Variants in DRD2 observed in about 807,000 individuals in gnomAD.
The protein encoded by DRD2 is D(2) dopamine receptor.
In DRD2, 8 loss-of-function variants were observed where a neutral mutation model predicts 38.0. The observed-to-expected ratio is 0.21, with a 90% CI of 0.12 to 0.38. DRD2 has a LOEUF of 0.38. DRD2 is among the 10% of genes least tolerant of loss of function. DRD2 has a pLI of 1.00. For synonymous variants in DRD2, 230 were observed against 238.6 expected (o/e 0.96, Z 0.33); for missense variants, 403 against 607.7 (o/e 0.66, Z 3.54).
chr11:113,444,683 T>A (rs1201815222), intron 1 of DRD2, among the ~76,000 whole-genome samples: 1 of 152,214 alleles, frequency 6.6e-6, no homozygotes, highest in African/African-American at 2.4e-5. Flanking sequence ...TGCTCCTTTA[T>A]TCACCACACA....
At chr11:113,471,303 C>T (rs1370359668) in intron 1 of DRD2, among the ~76,000 whole-genome samples, 1 of 152,120 alleles carries the variant, frequency 6.6e-6, no homozygotes, top group East Asian at 1.9e-4. Context: ...TATTAGATTC[C>T]AACACCATTA....
At chr11:113,434,776 A>T (rs2138196627) in intron 1 of DRD2, among the ~76,000 whole-genome samples, 1 of 151,058 alleles carries the variant, frequency 6.6e-6, no homozygotes, top group East Asian at 1.9e-4. Flanking sequence ...CAAGGGAGCC[A>T]TCCCCCCCCA....
intron 1 of DRD2, among the ~76,000 whole-genome samples, chr11:113,428,604 G>A (rs1166321940): frequency 6.6e-6 from 1 of 152,132 alleles, no homozygotes; most frequent in East Asian, 1.9e-4. Context: ...CTTCCTGGAG[G>A]AGGGAGGATG....
chr11:113,451,478 C>T (rs1361598676), intron 1 of DRD2, among the ~76,000 whole-genome samples: 1 of 152,076 alleles, frequency 6.6e-6, no homozygotes, highest in South Asian at 2.1e-4. Flanking sequence ...TTTCCTGTAT[C>T]CTCTTTTATT....
At chr11:113,413,732 A>G (rs1950793809) in intron 6 of DRD2, 1 of 216,398 alleles carries the variant, frequency 4.6e-6, no homozygotes, top group Non-Finnish European at 9.5e-6. Context: ...ATCCCTCTGG[A>G]GGATGGAATG....
At chr11:113,470,749 A>G (rs1197864893) in intron 1 of DRD2, among the ~76,000 whole-genome samples, 1 of 151,830 alleles carries the variant, frequency 6.6e-6, no homozygotes, top group African/African-American at 2.4e-5. Flanking sequence ...ACTGTCCCAT[A>G]CTCTCCCAAA....
chr11:113,415,720 A>T, intron 4 of DRD2, 109 bp from the exon 5 acceptor site: 1 of 1,234,202 alleles, frequency 8.1e-7, no homozygotes. Flanking sequence ...TTTACAGAGA[A>T]TATGAACGCA....
At chr11:113,438,994 T>C (rs1951062898) in intron 1 of DRD2, among the ~76,000 whole-genome samples, 1 of 152,224 alleles carries the variant, frequency 6.6e-6, no homozygotes, top group Non-Finnish European at 1.5e-5. Flanking sequence ...TCAGACCTAA[T>C]TTCAGAGAGT....
chr11:113,442,020 T>C (rs1951098597), intron 1 of DRD2, among the ~76,000 whole-genome samples: 1 of 151,526 alleles, frequency 6.6e-6, no homozygotes, highest in Non-Finnish European at 1.5e-5. Flanking sequence ...TTTTTCAGAG[T>C]CCTTATCCTT....
intron 1 of DRD2, among the ~76,000 whole-genome samples, chr11:113,429,500 C>T (rs1156392051): frequency 2.0e-5 from 3 of 152,136 alleles, no homozygotes; most frequent in Non-Finnish European, 4.4e-5. Flanking sequence ...CTGCCTCGGC[C>T]TCCCAGAGTG....
At chr11:113,467,992 G>A (rs1013981474) in intron 1 of DRD2, among the ~76,000 whole-genome samples, 2 of 152,232 alleles carry the variant, frequency 1.3e-5, no homozygotes, top group African/African-American at 4.8e-5. Context: ...CTGAATTACT[G>A]CAAAAGGACA....
At chr11:113,459,904 T>C (rs1331722341) in intron 1 of DRD2, among the ~76,000 whole-genome samples, 1 of 152,218 alleles carries the variant, frequency 6.6e-6, no homozygotes, top group African/African-American at 2.4e-5. Context: ...CTCCAAAATA[T>C]GTACAACTAT....
intron 1 of DRD2, among the ~76,000 whole-genome samples, chr11:113,469,141 C>A (rs1951397950): frequency 6.6e-6 from 1 of 152,052 alleles, no homozygotes; most frequent in South Asian, 2.1e-4. Flanking sequence ...CCTCCCAGCT[C>A]CTCCCCCAGG....
chr11:113,421,160 G>A (rs1950880676), intron 2 of DRD2, among the ~76,000 whole-genome samples: 1 of 152,160 alleles, frequency 6.6e-6, no homozygotes, highest in Admixed American at 6.5e-5. Flanking sequence ...GAATGCAAGT[G>A]TCTCCCTCCC....
rs536377918 is a variant in DRD2 at position 113,418,218 on chromosome 11, A to C, written c.286-82T>G. The C allele has an allele frequency of 6.9e-6, 8 of 1,159,578 alleles. No individual in the cohort carries two copies. The South Asian group carries it at 7.6e-5, about 11-fold the overall frequency. The allele number at this position is 1,159,578 out of a possible 1,614,324, so 71.8% of individuals were successfully genotyped here. On this transcript the variant is annotated intron_variant, in intron 2 of 7. Transcript: ENST00000362072. ...CTGTAGCCTGGTACTCCTGGAGCCG[A>C]TGAGGCCACAGACTCAGGAGGCAGC... is the stretch of plus-strand genomic sequence containing the variant.
intron 3 of DRD2, among the ~76,000 whole-genome samples, chr11:113,417,756 C>G (rs184652952): frequency 5.3e-4 from 80 of 152,350 alleles, no homozygotes; most frequent in Admixed American, 1.3e-3. Context: ...GGGCTTCCGT[C>G]AGAATCACAA....
intron 1 of DRD2, among the ~76,000 whole-genome samples, chr11:113,434,777 T>TCCC (rs375918396): frequency 6.6e-6 from 1 of 150,946 alleles, no homozygotes; most frequent in African/African-American, 2.4e-5. Flanking sequence ...AAGGGAGCCA[T>TCCC]CCCCCCCCAT....
At chr11:113,458,732 T>C (rs893802958) in intron 1 of DRD2, among the ~76,000 whole-genome samples, 4 of 152,262 alleles carry the variant, frequency 2.6e-5, no homozygotes, top group Admixed American at 2.6e-4. Context: ...CTGTGGACTA[T>C]ACTTCTATAT....
At position 113,410,752 on chromosome 11, in the gene DRD2, G is replaced by A; in HGVS notation, c.1307C>T (p.Ala436Val). Residue 436 changes from alanine (A) to valine (V), a missense_variant, in exon 8 of 8, where the codon GCC becomes GTC. Ala to Val is a moderately conservative substitution (Grantham distance 64). Coordinates refer to ENST00000362072, the MANE Select transcript of DRD2 (RefSeq NM_000795.4). Reference protein sequence around the residue: ...YTTFNIEFRKAFLKILHC With the variant: ...YTTFNIEFRKVFLKILHC ...TCAGCAGTGGAGGATCTTCAGGAAG[G>A]CCTTGCGGAACTCAATGTTGAAGGT... is the stretch of plus-strand genomic sequence containing the variant. 1 of 1,614,242 alleles carries A rather than the reference G, an allele frequency of 6.2e-7. No homozygotes were observed. Among genetic ancestry groups the A allele is most frequent in the Non-Finnish European group, 8.5e-7 (1 of 1,180,030 alleles).
Sources: gnomAD v4.1 joint callset for allele counts (sites outside exome capture counted in the v4.1 genomes callset) on GRCh38, gnomAD v4.1.1 for gene constraint, MANE v1.5 for transcripts, NCBI Gene and HGNC (gene_info 2026-07-23, HGNC 2026-07-21) for gene names.